Variants in DYNC1LI2 observed in about 807,000 individuals in gnomAD.
The protein encoded by DYNC1LI2 is cytoplasmic dynein 1 light intermediate chain 2.
Under a neutral mutation model 57.8 loss-of-function variants are expected in DYNC1LI2, and 19 were observed. The observed-to-expected ratio is 0.33, with a 90% CI of 0.23 to 0.48. DYNC1LI2 has a LOEUF of 0.48. DYNC1LI2 is among the 20% of genes least tolerant of loss of function. The probability of loss-of-function intolerance (pLI) is 0.99; values close to 1 mark genes in which losing one functional copy is unlikely to be tolerated. For missense variants in DYNC1LI2, 470 were observed against 604.2 expected, an observed-to-expected ratio of 0.78 and a Z score of 2.33; for synonymous variants, 256 against 233.4, an observed-to-expected ratio of 1.10 and a Z score of -0.88.
chr16:66,750,740 G>A (rs1354549130), intron 2 of DYNC1LI2, among the ~76,000 whole-genome samples: 6 of 152,134 alleles, frequency 3.9e-5, no homozygotes, highest in Admixed American at 3.9e-4. Context: ...CCTCACTTGA[G>A]GAGAGTGAGG....
chr16:66,743,910 TTA>T (rs2017887738), intron 3 of DYNC1LI2, among the ~76,000 whole-genome samples: 1 of 152,344 alleles, frequency 6.6e-6, no homozygotes, highest in African/African-American at 2.4e-5. Flanking sequence ...AATAATATGG[TTA>T]TGTTTTTAAA....
Position 66,749,339 on chromosome 16 carries a change from G to A in DYNC1LI2, c.182-26C>T, listed in dbSNP as rs755804680. The A allele has an allele frequency of 5.0e-6, 8 of 1,608,714 alleles. No homozygotes were observed. The East Asian group carries it at 1.3e-4, about 27-fold the overall frequency. On this transcript the variant is annotated intron_variant, in intron 2 of 12. Transcript: ENST00000258198. ...CTACAAAGGATGTTTGCAAGACAAA[G>A]GTGTACTGTTTATTCCGGGCAAGGA...
intron 3 of DYNC1LI2, among the ~76,000 whole-genome samples, chr16:66,746,617 C>T (rs2017939958): frequency 6.6e-6 from 1 of 152,188 alleles, no homozygotes; most frequent in African/African-American, 2.4e-5. Context: ...ACACGATGCT[C>T]TGGCATGAAA....
At chr16:66,727,562 T>A in intron 11 of DYNC1LI2, 126 bp downstream of exon 11, 1 of 830,742 alleles carries the variant, frequency 1.2e-6, no homozygotes, top group Non-Finnish European at 1.9e-6. Context: ...GTAGCCCTTA[T>A]CGGGGAAGAG....
chr16:66,742,464 T>A lies in DYNC1LI2; in HGVS notation c.503A>T (p.Glu168Val). Residue 168 changes from glutamate (E) to valine (V), a missense_variant, in exon 4 of 13, where the codon GAA (glutamate) becomes GTA (valine). Glu to Val is a moderately radical substitution (Grantham distance 121, BLOSUM62 -2). Coordinates refer to ENST00000258198, the MANE Select transcript of DYNC1LI2 (RefSeq NM_006141.3). ...CTTCCGTTCCAGCTCCCTCATTTTT[T>A]CTGGTGGAATTTTCATTTTATCAAT... ...EHIDKMKIPPEKMRELERKFV... is the reference protein window; with the variant it reads ...EHIDKMKIPPVKMRELERKFV... 1 of 1,614,018 alleles carries A rather than the reference T, an allele frequency of 6.2e-7. No individual in the cohort carries two copies. Among genetic ancestry groups the A allele is most frequent in the Non-Finnish European group, 8.5e-7 (1 of 1,179,916 alleles).
At chr16:66,743,335 G>A (rs1049509307) in intron 3 of DYNC1LI2, among the ~76,000 whole-genome samples, 8 of 151,970 alleles carry the variant, frequency 5.3e-5, no homozygotes, top group African/African-American at 1.9e-4. Context: ...AGGCTGAGGC[G>A]AACTGATCAC....
At chr16:66,749,165 C>T (rs781030643) in intron 3 of DYNC1LI2, 32 bp downstream of exon 3, 24 of 1,607,398 alleles carry the variant, frequency 1.5e-5, no homozygotes, top group Middle Eastern at 1.7e-4. Flanking sequence ...CCTGCATACA[C>T]CCCCTTACCA....
chr16:66,728,625 T>C (rs1401041197), intron 9 of DYNC1LI2, among the ~76,000 whole-genome samples: 1 of 152,218 alleles, frequency 6.6e-6, no homozygotes, highest in Non-Finnish European at 1.5e-5. Flanking sequence ...CATTCTAAAC[T>C]GTCAGCTTGG....
intron 4 of DYNC1LI2, among the ~76,000 whole-genome samples, chr16:66,738,522 T>A (rs12933365): frequency 0.48 from 72,603 of 151,462 alleles, 17,967 homozygotes; most frequent in East Asian, 0.63. Context: ...AGTGCTGGGA[T>A]TACAGGCGTG....
intron 3 of DYNC1LI2, among the ~76,000 whole-genome samples, chr16:66,743,199 C>A (rs959240383): frequency 9.3e-5 from 14 of 151,076 alleles, no homozygotes; most frequent in African/African-American, 2.7e-4. Context: ...ACAAAACAAA[C>A]AAAAAAAACT....
chr16:66,732,335 TCA>T lies in DYNC1LI2; in HGVS notation c.929+2_929+3del. ...TTTCAAAGCATCAGCTCAAAATAAC[TCA>T]CATAAAAACGGCATCCTTTTCCACA... On this transcript the variant is annotated splice_donor_variant and splice_donor_region_variant and intron_variant, in intron 7 of 12. Transcript: ENST00000258198. LOFTEE classifies it high-confidence loss of function. 6.2e-7 allele frequency: 1 copy of T among 1,610,232 alleles called. No individual in the cohort carries two copies. The highest frequency in any genetic ancestry group is 8.5e-7 in the Non-Finnish European group (1 of 1,179,072).
At chr16:66,750,095 T>C (rs1375935765) in intron 2 of DYNC1LI2, among the ~76,000 whole-genome samples, 1 of 152,230 alleles carries the variant, frequency 6.6e-6, no homozygotes, top group South Asian at 2.1e-4. Context: ...TCAGGCCCTC[T>C]GCATCCAGAC....
At chr16:66,729,153 TG>T in intron 8 of DYNC1LI2, 54 bp from the exon 9 acceptor site, 1 of 1,598,686 alleles carries the variant, frequency 6.3e-7, no homozygotes, top group Non-Finnish European at 8.6e-7. Context: ...TCCTAACCAC[TG>T]TCAAACTTCA....
chr16:66,723,906 C>T (rs745754028), intron 12 of DYNC1LI2, 84 bp from the exon 13 acceptor site: 23 of 1,097,596 alleles, frequency 2.1e-5, no homozygotes, highest in Admixed American at 5.0e-5. Flanking sequence ...TAAAATTATA[C>T]GCCTTCTATA....
intron 4 of DYNC1LI2, among the ~76,000 whole-genome samples, chr16:66,737,860 G>A (rs2017763481): frequency 2.0e-5 from 3 of 152,222 alleles, no homozygotes. Flanking sequence ...GGCACTTCAA[G>A]GCTCTCATGT....
chr16:66,723,881 T>C (rs1447905509), intron 12 of DYNC1LI2, 59 bp from the exon 13 acceptor site: 3 of 1,446,148 alleles, frequency 2.1e-6, no homozygotes, highest in Non-Finnish European at 2.8e-6. Context: ...AAACAATTTT[T>C]TTTAAAGGAG....
Position 66,736,098 on chromosome 16 carries a change from G to C in DYNC1LI2, c.676C>G (p.Pro226Ala), listed in dbSNP as rs1422825690. ...DNVLTHNLGIPVLVVCTKCDA... is the reference protein window; with the variant it reads ...DNVLTHNLGIAVLVVCTKCDA... ...ACCTTTGTGCACACCACCAACACCGGGATCCCCAGGTTATGAGTCAGCACA... is the reference window on the plus strand; with the variant it reads ...ACCTTTGTGCACACCACCAACACCGCGATCCCCAGGTTATGAGTCAGCACA... The change falls in exon 5 of 13, where the codon CCG (proline) becomes GCG (alanine). Residue 226 changes from proline to alanine, a missense_variant. By Grantham distance (27) the Pro-to-Ala change is conservative (BLOSUM62 -1). Transcript: ENST00000258198. The C allele has an allele frequency of 1.9e-6, 3 of 1,613,924 alleles. No individual in the cohort carries two copies. Among genetic ancestry groups the C allele is most frequent in the Non-Finnish European group, 1.7e-6 (2 of 1,179,998 alleles).
Position 66,751,273 on chromosome 16 carries a change from C to G in DYNC1LI2, c.181G>C (p.Gly61Arg). 1 of 1,611,168 alleles carries G rather than the reference C, an allele frequency of 6.2e-7. No homozygotes were observed. The highest frequency in any genetic ancestry group is 2.2e-5 in the East Asian group (1 of 44,620). Residue 61 changes from glycine (G) to arginine (R), a missense_variant and splice_region_variant, in exon 2 of 13, where the codon GGT (glycine) becomes CGT (arginine). Transcript: ENST00000258198. This position sits in a 1 kb window ranked among gnomAD's most constrained non-coding sequence, Gnocchi z 5.2. Reference sequence around the variant, plus strand: ...GCAACGCCCCGCCGCCGGCGCTCACCGAAGACCAGGATGTTCTTGCCGGAC... The same window carrying G: ...GCAACGCCCCGCCGCCGGCGCTCACGGAAGACCAGGATGTTCTTGCCGGAC... ...LPSGKNILVF[G>R]EDGSGKTTLM...
chr16:66,730,016 T>C (rs917811846), intron 8 of DYNC1LI2, 96 bp downstream of exon 8: 35 of 991,688 alleles, frequency 3.5e-5, no homozygotes, highest in African/African-American at 2.3e-4. Flanking sequence ...CCTGACCTCA[T>C]GTGATCTGCC....
Sources: allele counts gnomAD v4.1 joint callset (sites outside exome capture counted in the v4.1 genomes callset), GRCh38; gene constraint gnomAD v4.1.1; non-coding constraint Gnocchi (gnomAD v3.1); transcripts MANE v1.5; gene names NCBI Gene and HGNC (gene_info 2026-07-23, HGNC 2026-07-21).